ANTXR1: variants seen among roughly 807,000 people sequenced by gnomAD.
ANTXR1 encodes the protein ANTXR cell adhesion molecule 1.
In ANTXR1, 19 loss-of-function variants were observed where a neutral mutation model predicts 78.1. The ratio of observed to expected loss-of-function variants is 0.24; its 90% confidence interval spans 0.17 to 0.36. ANTXR1 has a LOEUF of 0.36. Among genes scored for constraint, ANTXR1 ranks in the 10% least tolerant of loss-of-function variants. The probability of loss-of-function intolerance (pLI) is 1.00; values close to 1 mark genes in which losing one functional copy is unlikely to be tolerated. For missense variants in ANTXR1, 518 were observed against 718.6 expected, an observed-to-expected ratio of 0.72 and a Z score of 3.19; for synonymous variants, 273 against 260.5, an observed-to-expected ratio of 1.05 and a Z score of -0.46.
intron 1 of ANTXR1, among the ~76,000 whole-genome samples, chr2:69,038,711 C>T (rs1281718269): frequency 7.2e-5 from 11 of 152,140 alleles, no homozygotes; most frequent in African/African-American, 1.7e-4. Context: ...TGCCTATGTA[C>T]ATTCTCTAGA....
intron 17 of ANTXR1, among the ~76,000 whole-genome samples, chr2:69,244,410 C>T (rs1019066598): frequency 4.6e-5 from 7 of 152,198 alleles, no homozygotes; most frequent in African/African-American, 1.4e-4. Flanking sequence ...GGTGCAGCCG[C>T]GTGTAGAAGA....
chr2:69,028,174 A>C (rs1223831714), intron 1 of ANTXR1, among the ~76,000 whole-genome samples: 1 of 152,234 alleles, frequency 6.6e-6, no homozygotes, highest in Non-Finnish European at 1.5e-5. Context: ...AGAAACTTTC[A>C]ATGCTTTAAT....
intron 16 of ANTXR1, among the ~76,000 whole-genome samples, chr2:69,190,981 G>A (rs1211566809): frequency 6.6e-6 from 1 of 152,140 alleles, no homozygotes; most frequent in East Asian, 1.9e-4. Context: ...AATGCTGGGA[G>A]TCCTCTCCTT....
In ANTXR1 at chr2:69,084,902, G is replaced by A. The variant is rs528017891; in HGVS notation, c.643-5957G>A. Among the ~76,000 whole-genome samples the A allele has an allele frequency of 2.1e-5, 3 of 146,032 alleles. No individual in the cohort carries two copies. The East Asian group carries it at 5.9e-4, about 29-fold the overall frequency. ...GAGTCTCGCTCTGTTGCCCAGGCTG[G>A]AGTGCAGTGGCGCTATCTCGGCTCA... On this transcript the variant is annotated intron_variant, in intron 8 of 17. Coordinates refer to ENST00000303714, the MANE Select transcript of ANTXR1 (RefSeq NM_032208.3).
chr2:69,075,709 T>C (rs756598269), intron 7 of ANTXR1, 51 bp downstream of exon 7: 1 of 1,518,202 alleles, frequency 6.6e-7, no homozygotes, highest in Non-Finnish European at 9.2e-7. Flanking sequence ...TTGTGAATCA[T>C]GAAGAACATG....
chr2:69,207,088 G>T (rs1441257654), intron 17 of ANTXR1, among the ~76,000 whole-genome samples: 1 of 152,094 alleles, frequency 6.6e-6, no homozygotes, highest in East Asian at 1.9e-4. Context: ...GACCCTCAGG[G>T]TGTCATCCAC....
rs377121232 is a variant in ANTXR1 at position 69,127,838 on chromosome 2, C to T, written c.951+3195C>T. Among the ~76,000 whole-genome samples the T allele has an allele frequency of 1.3e-3, 193 of 152,218 alleles. 2 individuals carry two copies. The highest frequency in any genetic ancestry group is 4.6e-3 in the African/African-American group (189 of 41,532). On this transcript the variant is annotated intron_variant, in intron 12 of 17. Transcript: ENST00000303714. ...GATGGAGTTGCCATCAGCTGCCAGACAGGAAGAAGACAGAGGGAGAAGAAG... is the reference window on the plus strand; with the variant it reads ...GATGGAGTTGCCATCAGCTGCCAGATAGGAAGAAGACAGAGGGAGAAGAAG...
chr2:69,013,212 G>T lies in ANTXR1; in HGVS notation c.-288G>T. On this transcript the variant is annotated 5_prime_UTR_variant, in exon 1 of 18. Transcript: ENST00000303714. The surrounding 1 kb of genome is among the most constrained non-coding windows in gnomAD (Gnocchi z 5.0). The stretch of plus-strand genomic sequence containing the variant: ...CCTTCCATTGCAAAAGCTCGGCGCG[G>T]CCTCGGGAGCTGCCCGGCGGCCCCG... The T allele has an allele frequency of 2.1e-6, 1 of 468,216 alleles. No homozygotes were observed. The highest frequency in any genetic ancestry group is 3.9e-6 in the Non-Finnish European group (1 of 256,046). 29.0% of individuals were successfully genotyped at this position (468,216 alleles called of 1,614,324 possible).
chr2:69,177,707 C>G (rs1674164968), intron 14 of ANTXR1, among the ~76,000 whole-genome samples: 1 of 152,220 alleles, frequency 6.6e-6, no homozygotes, highest in African/African-American at 2.4e-5. Context: ...CACGATCTAG[C>G]AGCTCTGGCA....
intron 13 of ANTXR1, among the ~76,000 whole-genome samples, chr2:69,153,764 C>T (rs961963632): frequency 3.9e-5 from 6 of 152,316 alleles, no homozygotes; most frequent in Non-Finnish European, 7.3e-5. Context: ...TAGCAGCAGG[C>T]AGTGAACACT....
In ANTXR1 at chr2:69,090,883, A is replaced by G. The variant is rs920720283; in HGVS notation, c.667A>G (p.Ile223Val). 6 of 1,613,112 alleles carry G rather than the reference A, an allele frequency of 3.7e-6. No individual in the cohort carries two copies. Among genetic ancestry groups the G allele is most frequent in the Non-Finnish European group, 5.1e-6 (6 of 1,180,020 alleles). The change falls in exon 9 of 18, where the codon ATT (isoleucine) becomes GTT (valine). Residue 223 changes from isoleucine (I) to valine (V), a missense_variant. Around this residue, in one of 5 missense-constraint regions of ANTXR1, gnomAD observed 264 missense variants for 391.8 expected, o/e 0.67. Transcript: ENST00000303714. ...GATTTTGAAGAAGTCCTGCATCGAA[A>G]TTCTAGCAGCTGAACCATCCACCAT... ...HSILKKSCIE[I>V]LAAEPSTICA...
At chr2:69,189,704 G>A (rs767001751) in intron 16 of ANTXR1, among the ~76,000 whole-genome samples, 1 of 152,160 alleles carries the variant, frequency 6.6e-6, no homozygotes, top group Non-Finnish European at 1.5e-5. Context: ...AACGAGACAC[G>A]GTTGATGTTG....
chr2:69,174,021 C>T (rs1039320566), intron 14 of ANTXR1, among the ~76,000 whole-genome samples: 3 of 152,168 alleles, frequency 2.0e-5, no homozygotes, highest in Non-Finnish European at 4.4e-5. Context: ...GAGCCTAGAG[C>T]GCCTCCCCTT....
chr2:69,031,918 G>T (rs1388124138), intron 1 of ANTXR1, among the ~76,000 whole-genome samples: 1 of 152,178 alleles, frequency 6.6e-6, no homozygotes, highest in Non-Finnish European at 1.5e-5. Flanking sequence ...CTGCCAGATG[G>T]ATGTCTCCGA....
intron 12 of ANTXR1, among the ~76,000 whole-genome samples, chr2:69,144,557 C>T (rs1374201539): frequency 1.3e-5 from 2 of 152,232 alleles, no homozygotes; most frequent in East Asian, 1.9e-4. Context: ...TCCCCAGGTG[C>T]CCCGTGGAGG....
At position 69,084,978 on chromosome 2, in the gene ANTXR1, G is replaced by T. The variant is rs187109560; in HGVS notation, c.643-5881G>T. Among the ~76,000 whole-genome samples the T allele has an allele frequency of 2.1e-3, 316 of 150,376 alleles. 2 individuals carry two copies. Among genetic ancestry groups the T allele is most frequent in the Middle Eastern group, 6.9e-3 (2 of 290 alleles). On this transcript the variant is annotated intron_variant, in intron 8 of 17. Coordinates refer to ENST00000303714, the MANE Select transcript of ANTXR1 (RefSeq NM_032208.3). ...CACCATTCTCCTGCCCCAGCCTCCC[G>T]AGTAGCTGGGACTACAGGCGCCTGC... is the stretch of plus-strand genomic sequence containing the variant.
chr2:69,155,018 A>G (rs951932411), intron 13 of ANTXR1, among the ~76,000 whole-genome samples: 14 of 152,206 alleles, frequency 9.2e-5, no homozygotes, highest in African/African-American at 3.1e-4. Flanking sequence ...TCTGCTCAGC[A>G]TCCTCCTGCT....
At chr2:69,241,827 G>A (rs981406729) in intron 17 of ANTXR1, among the ~76,000 whole-genome samples, 11 of 152,258 alleles carry the variant, frequency 7.2e-5, no homozygotes, top group Non-Finnish European at 1.6e-4. Context: ...GACAGCATTA[G>A]ACTACTAAAC....
intron 17 of ANTXR1, among the ~76,000 whole-genome samples, chr2:69,197,263 C>T (rs193221559): frequency 3.7e-4 from 56 of 152,320 alleles, no homozygotes; most frequent in African/African-American, 1.3e-3. Flanking sequence ...CACATGGTGT[C>T]CCCTGCTCCC....
Sources: allele counts gnomAD v4.1 joint callset (sites outside exome capture counted in the v4.1 genomes callset), GRCh38; gene constraint gnomAD v4.1.1; regional missense constraint gnomAD v4.1.1; non-coding constraint Gnocchi (gnomAD v3.1); transcripts MANE v1.5; gene names NCBI Gene and HGNC (gene_info 2026-07-23, HGNC 2026-07-21).